SKOR2: variants seen among roughly 807,000 people sequenced by gnomAD.
The protein encoded by SKOR2 is LBX1 corepressor 1-like protein.
SKOR2 carries 47 observed loss-of-function variants against 69.1 expected under a neutral mutation model. The observed-to-expected ratio is 0.68, with a 90% confidence interval of 0.54 to 0.87. The LOEUF (loss-of-function observed/expected upper bound fraction) is 0.87. Among genes scored for constraint, SKOR2 ranks in the 40% least tolerant of loss-of-function variants. The pLI is 0.00. For synonymous variants in SKOR2, 717 were observed against 672.6 expected (o/e 1.07, Z -1.02); for missense variants, 1,404 against 1,472.2 (o/e 0.95, Z 0.76).
At chr18:47,226,541 C>T (rs2064179396) in intron 6 of SKOR2, among the ~76,000 whole-genome samples, 1 of 152,180 alleles carries the variant, frequency 6.6e-6, no homozygotes, top group Non-Finnish European at 1.5e-5. Flanking sequence ...TCCTCCCTAC[C>T]TCTCTGTTGT....
At chr18:47,214,830 T>C (rs2064138839) in intron 7 of SKOR2, among the ~76,000 whole-genome samples, 1 of 152,124 alleles carries the variant, frequency 6.6e-6, no homozygotes, top group South Asian at 2.1e-4. Context: ...TTTAAACTAG[T>C]TAGTTATTCC....
intron 4 of SKOR2, among the ~76,000 whole-genome samples, chr18:47,243,648 T>C (rs1018046371): frequency 1.3e-5 from 2 of 152,212 alleles, no homozygotes; most frequent in Non-Finnish European, 2.9e-5. Flanking sequence ...CCTTTGTGAC[T>C]TTAGAGTGTA....
intron 4 of SKOR2, among the ~76,000 whole-genome samples, chr18:47,239,981 T>TA (rs1381127898): frequency 3.1e-4 from 40 of 130,142 alleles, no homozygotes; most frequent in South Asian, 7.8e-4. Flanking sequence ...TTGCTTTTTT[T>TA]TAAAAAAATC....
At position 47,246,792 on chromosome 18, in the gene SKOR2, TCCC is replaced by T. The variant is rs1334725107; in HGVS notation, c.2389_2391del (p.Gly797del). ...ACGGCCGGCGCGCGGTCCCGGCTGC[TCCC>T]CTTCTCCGACGGCCCTCGGCCCTGG... On this transcript the variant is annotated inframe_deletion, in exon 2 of 9. Transcript: ENST00000425639. The T allele has an allele frequency of 2.1e-6, 3 of 1,411,860 alleles. No individual in the cohort carries two copies. The highest frequency in any genetic ancestry group is 2.7e-6 in the Non-Finnish European group (3 of 1,092,482). 87.5% of individuals were successfully genotyped at this position (1,411,860 alleles called of 1,614,324 possible).
At position 47,230,973 on chromosome 18, in the gene SKOR2, G is replaced by A. The variant is rs77291182; in HGVS notation, c.2780C>T (p.Pro927Leu). 1,923 of 1,535,638 alleles carry A rather than the reference G, an allele frequency of 1.3e-3. 30 individuals are homozygous for A. In the East Asian group the frequency reaches 0.021, roughly 17 times the overall value. The change falls in exon 5 of 9, where the codon CCT becomes CTT. Residue 927 changes from proline (P) to leucine (L), a missense_variant. Physicochemically the swap from Pro to Leu is moderately conservative, Grantham distance 98. Transcript: ENST00000425639. ...TTCTACATCCTTTTTCAGTGAATGA[G>A]GTGAGTTGGTTTCTTGTGTATGTTC... Reference protein sequence around the residue: ...SGEHTQETNSPHSLKKDVENM... With the variant: ...SGEHTQETNSLHSLKKDVENM...
At chr18:47,250,263 T>C (rs1012587923) in intron 1 of SKOR2, among the ~76,000 whole-genome samples, 2 of 152,210 alleles carry the variant, frequency 1.3e-5, no homozygotes, top group East Asian at 3.8e-4. Flanking sequence ...TATGGGAGTG[T>C]TGAAAGTCGA....
chr18:47,245,123 T>C, intron 3 of SKOR2, 141 bp from the exon 4 acceptor site: 1 of 667,182 alleles, frequency 1.5e-6, no homozygotes, highest in Non-Finnish European at 2.5e-6. Context: ...GGAGAAACAA[T>C]CAGAAGGCTC....
intron 7 of SKOR2, among the ~76,000 whole-genome samples, chr18:47,214,366 A>C (rs146213940): frequency 1.3e-3 from 201 of 152,336 alleles, no homozygotes; most frequent in African/African-American, 4.5e-3. Flanking sequence ...AGCATATTTG[A>C]GTCCCAAGGG....
At chr18:47,241,918 T>A (rs937850734) in intron 4 of SKOR2, among the ~76,000 whole-genome samples, 4 of 152,192 alleles carry the variant, frequency 2.6e-5, no homozygotes, top group African/African-American at 4.8e-5. Context: ...AGGTAGGGAC[T>A]AGCAATATTT....
chr18:47,213,814 G>A (rs949854094), intron 7 of SKOR2, among the ~76,000 whole-genome samples: 23 of 152,116 alleles, frequency 1.5e-4, no homozygotes, highest in Non-Finnish European at 3.4e-4. Flanking sequence ...CAGTTACACA[G>A]GGACCTACTC....
Position 47,248,703 on chromosome 18 carries a change from G to T in SKOR2, c.481C>A (p.Pro161Thr). The T allele has an allele frequency of 6.4e-7, 1 of 1,562,216 alleles. No individual in the cohort carries two copies. The highest frequency in any genetic ancestry group is 1.2e-5 in the South Asian group (1 of 86,256). ...CAWGCRGSFIPARYNSSRAKC... is the reference protein window; with the variant it reads ...CAWGCRGSFITARYNSSRAKC... Reference sequence around the variant, plus strand: ...GCGCGCGAGCTGTTGTAGCGCGCGGGAATGAAGCTGCCGCGGCAGCCCCAG... The same window carrying T: ...GCGCGCGAGCTGTTGTAGCGCGCGGTAATGAAGCTGCCGCGGCAGCCCCAG... Residue 161 changes from proline to threonine, a missense_variant, in exon 2 of 9, where the codon CCC becomes ACC. Physicochemically the swap from Pro to Thr is conservative, Grantham distance 38. Transcript: ENST00000425639. This position sits in a 1 kb window ranked among gnomAD's most constrained non-coding sequence, Gnocchi z 6.4.
chr18:47,221,658 G>A (rs976463660), intron 6 of SKOR2, among the ~76,000 whole-genome samples: 1 of 151,366 alleles, frequency 6.6e-6, no homozygotes, highest in African/African-American at 2.5e-5. Flanking sequence ...AGCCCCTCCT[G>A]CCAGAATTAT....
chr18:47,245,663 G>C, intron 2 of SKOR2, 102 bp from the exon 3 acceptor site: 1 of 1,023,634 alleles, frequency 9.8e-7, no homozygotes, highest in Non-Finnish European at 1.4e-6. Context: ...TGACTCCATG[G>C]AGCCTCAGGA....
Position 47,247,600 on chromosome 18 carries a change from CG to C in SKOR2, c.1583del (p.Pro528ArgfsTer8), listed in dbSNP as rs1299058768. ...GAAGSAEAAP[P>X]PGQPPQVVAN... is the part of the protein sequence containing the mutation. The stretch of plus-strand genomic sequence containing the variant: ...CCACTACCTGCGGGGGCTGCCCCGG[CG>C]GGGGCGCGGCCTCGGCGCTCCCAGC... On this transcript the variant is annotated frameshift_variant, in exon 2 of 9. Coordinates refer to ENST00000425639, the MANE Select transcript of SKOR2 (RefSeq NM_001278063.4). LOFTEE classifies it high-confidence loss of function. This position sits in a 1 kb window ranked among gnomAD's most constrained non-coding sequence, Gnocchi z 6.6. The C allele has an allele frequency of 3.2e-6, 4 of 1,268,164 alleles. No homozygotes were observed. The highest frequency in any genetic ancestry group is 5.5e-5 in the South Asian group (2 of 36,330). 78.6% of individuals were successfully genotyped at this position (1,268,164 alleles called of 1,614,324 possible). A position where few individuals can be genotyped will look rare whatever the true frequency, so the allele number is the denominator to read the frequency against.
intron 6 of SKOR2, among the ~76,000 whole-genome samples, chr18:47,227,647 G>T (rs1568085923): frequency 6.6e-6 from 1 of 152,108 alleles, no homozygotes; most frequent in Admixed American, 6.6e-5. Flanking sequence ...CAAAAATTTG[G>T]ACCCAAGTTT....
chr18:47,218,617 A>T (rs570474303), intron 7 of SKOR2, among the ~76,000 whole-genome samples: 59 of 147,074 alleles, frequency 4.0e-4, no homozygotes, highest in Admixed American at 1.1e-3. Flanking sequence ...AAAATCTGAA[A>T]ATGATGTCCT....
intron 8 of SKOR2, among the ~76,000 whole-genome samples, chr18:47,207,281 T>C (rs1196193554): frequency 1.3e-5 from 2 of 152,164 alleles, no homozygotes; most frequent in Non-Finnish European, 2.9e-5. Context: ...AGTGGAGGTT[T>C]TGTGATTCAA....
In SKOR2 at chr18:47,248,437, C is replaced by T. The variant is rs779762792; in HGVS notation, c.747G>A (p.Ala249=). The change falls in exon 2 of 9, where the codon GCG becomes GCA. Residue 249 remains alanine, a synonymous_variant. Transcript: ENST00000425639. This position sits in a 1 kb window ranked among gnomAD's most constrained non-coding sequence, Gnocchi z 6.4. The stretch of plus-strand genomic sequence containing the variant: ...AGCTGAGCGGGTGGCAGGCGGGGTG[C>T]GCGCCCGGCTGGGGCAGTGCGCGCT... ...SRKRALPQPG[A]HPACHPLSSV... is the part of the protein sequence containing the mutation. 2.7e-6 allele frequency: 4 copies of T among 1,474,366 alleles called. No individual in the cohort carries two copies. Among genetic ancestry groups the T allele is most frequent in the Non-Finnish European group, 2.7e-6 (3 of 1,111,266 alleles). The allele number at this position is 1,474,366 out of a possible 1,614,324, so 91.3% of individuals were successfully genotyped here.
intron 4 of SKOR2, among the ~76,000 whole-genome samples, 175 bp downstream of exon 4, chr18:47,244,733 T>C (rs2064263510): frequency 6.6e-6 from 1 of 152,226 alleles, no homozygotes; most frequent in Non-Finnish European, 1.5e-5. Context: ...CAGCAATTAA[T>C]AATCTTATTG....
Sources: allele counts gnomAD v4.1 joint callset (sites outside exome capture counted in the v4.1 genomes callset), GRCh38; gene constraint gnomAD v4.1.1; non-coding constraint Gnocchi (gnomAD v3.1); transcripts MANE v1.5; gene names NCBI Gene and HGNC (gene_info 2026-07-23, HGNC 2026-07-21).